DHDDS: variants seen among roughly 807,000 people sequenced by gnomAD.
DHDDS encodes dehydrodolichyl diphosphate synthase complex subunit DHDDS.
Under a neutral mutation model 46.2 loss-of-function variants are expected in DHDDS, and 16 were observed. The observed-to-expected ratio is 0.35, with a 90% confidence interval of 0.23 to 0.53. The LOEUF is 0.53. Among genes scored for constraint, DHDDS ranks in the 20% least tolerant of loss-of-function variants. The pLI is 0.94. For missense variants in DHDDS, 340 were observed against 423.7 expected, an observed-to-expected ratio of 0.80 and a Z score of 1.73; for synonymous variants, 151 against 163.1, an observed-to-expected ratio of 0.93 and a Z score of 0.56.
At chr1:26,448,278 A>G (rs1175228025) in intron 6 of DHDDS, 2 of 152,438 alleles carry the variant, frequency 1.3e-5, no homozygotes, top group African/African-American at 2.5e-5. Flanking sequence ...GGTTCAAGCA[A>G]TTCTTCCGCC....
At chr1:26,462,340 GATA>G (rs1239300212) in intron 8 of DHDDS, among the ~76,000 whole-genome samples, 5 of 152,076 alleles carry the variant, frequency 3.3e-5, no homozygotes, top group African/African-American at 4.8e-5. Flanking sequence ...TAATGATTAT[GATA>G]ATAGTAATTA....
rs1310199926 is a variant in DHDDS at position 26,457,826 on chromosome 1, A to G, written c.578A>G (p.Tyr193Cys). ...ISESLLDKCLYTNRSPHPDIL... is the reference protein window; with the variant it reads ...ISESLLDKCLCTNRSPHPDIL... Reference sequence around the variant, plus strand: ...GAGTCTCTGCTTGATAAGTGCCTCTATACCAACCGCTCTCCTCATCCTGAC... The same window carrying G: ...GAGTCTCTGCTTGATAAGTGCCTCTGTACCAACCGCTCTCCTCATCCTGAC... Residue 193 changes from tyrosine to cysteine, a missense_variant, in exon 7 of 9, where the codon TAT becomes TGT. Coordinates refer to ENST00000236342, the MANE Select transcript of DHDDS (RefSeq NM_205861.3). 2.5e-6 allele frequency: 4 copies of G among 1,613,952 alleles called. No homozygotes were observed. Among genetic ancestry groups the G allele is most frequent in the Non-Finnish European group, 3.4e-6 (4 of 1,179,974 alleles).
intron 2 of DHDDS, among the ~76,000 whole-genome samples, chr1:26,436,998 G>A (rs992521868): frequency 2.6e-5 from 4 of 151,698 alleles, no homozygotes; most frequent in East Asian, 2.0e-4. Flanking sequence ...GTGAAACCCC[G>A]TCTCTACTAA....
chr1:26,437,743 T>G (rs1157335151), intron 2 of DHDDS, among the ~76,000 whole-genome samples: 1 of 150,158 alleles, frequency 6.7e-6, no homozygotes, highest in East Asian at 2.0e-4. Flanking sequence ...CCCAAAGTGC[T>G]GGGATTACAG....
intron 8 of DHDDS, among the ~76,000 whole-genome samples, chr1:26,467,704 G>A (rs960503532): frequency 7.9e-5 from 12 of 152,308 alleles, no homozygotes; most frequent in African/African-American, 2.4e-4. Context: ...ATGTATACAA[G>A]TTTATCGTAA....
Position 26,446,301 on chromosome 1 carries a change from CTT to C in DHDDS, c.324-12_324-11del. ...CAGGGGCCCTATCCCAATGCTGCCT[CTT>C]TTCCCTGATCAGGGAGAAACTGCAG... On this transcript the variant is annotated splice_polypyrimidine_tract_variant and intron_variant, in intron 4 of 8. Transcript: ENST00000236342. 2 of 1,612,596 alleles carry C rather than the reference CTT, an allele frequency of 1.2e-6. No individual in the cohort carries two copies. Among genetic ancestry groups the C allele is most frequent in the Non-Finnish European group, 1.7e-6 (2 of 1,178,818 alleles).
rs1261478204 is a variant in DHDDS at position 26,438,191 on chromosome 1, T to A, written c.87T>A (p.Ile29=). The A allele has an allele frequency of 1.2e-6, 2 of 1,613,852 alleles. No homozygotes were observed. The highest frequency in any genetic ancestry group is 8.5e-7 in the Non-Finnish European group (1 of 1,179,898). ...AGGCAGGCCCAATGCCGAAACACAT[T>A]GCATTCATAATGGACGGGAACCGTC... ...IIKAGPMPKH[I]AFIMDGNRRY... The change falls in exon 3 of 9, where the codon ATT becomes ATA. Residue 29 remains isoleucine (I), a synonymous_variant. Transcript: ENST00000236342.
rs1570371815 is a variant in DHDDS, at chr1:26,469,373, A to G, written c.*242A>G. ...TACACTAAACCTAGGTCTGGTCACC[A>G]ATAGGGTTTGGAGAGCAAAGGGCCA... On this transcript the variant is annotated 3_prime_UTR_variant, in exon 9 of 9. Coordinates refer to ENST00000236342, the MANE Select transcript of DHDDS (RefSeq NM_205861.3). The G allele has an allele frequency of 1.5e-6, 1 of 666,042 alleles. No individual in the cohort carries two copies. The highest frequency in any genetic ancestry group is 2.5e-6 in the Non-Finnish European group (1 of 396,386). The allele number at this position is 666,042 out of a possible 1,614,324, so 41.3% of individuals were successfully genotyped here.
chr1:26,452,689 T>C (rs1312994412), intron 6 of DHDDS, among the ~76,000 whole-genome samples: 1 of 152,200 alleles, frequency 6.6e-6, no homozygotes, highest in African/African-American at 2.4e-5. Context: ...CAAGTTCACA[T>C]AGTTGGCAAA....
intron 2 of DHDDS, among the ~76,000 whole-genome samples, chr1:26,435,707 C>T (rs1242000519): frequency 3.3e-5 from 5 of 152,004 alleles, no homozygotes; most frequent in African/African-American, 7.2e-5. Context: ...CTCTGCCTCC[C>T]GGGTTCAAGC....
chr1:26,469,409 G>A lies in DHDDS; in HGVS notation c.*278G>A. 1 of 550,606 alleles carries A rather than the reference G, an allele frequency of 1.8e-6. No homozygotes were observed. The highest frequency in any genetic ancestry group is 3.3e-6 in the Non-Finnish European group (1 of 305,914). The allele number at this position is 550,606 out of a possible 1,614,324, so 34.1% of individuals were successfully genotyped here. A position where few individuals can be genotyped will look rare whatever the true frequency, so the allele number is the denominator to read the frequency against. The stretch of plus-strand genomic sequence containing the variant: ...GAGAGCAAAGGGCCACAACTCATCA[G>A]CTGCCTGTCTCTTAGATGCACTTTC... On this transcript the variant is annotated 3_prime_UTR_variant, in exon 9 of 9. Coordinates refer to ENST00000236342, the MANE Select transcript of DHDDS (RefSeq NM_205861.3).
rs1448261900 is a variant in DHDDS, at chr1:26,469,565, G to C, written c.*434G>C. On this transcript the variant is annotated 3_prime_UTR_variant, in exon 9 of 9. Transcript: ENST00000236342. ...AAAGATTTGGCTCTACCTTGGATCTGCTAGTAAATAACTAATAGGCAGGCA... is the reference window on the plus strand; with the variant it reads ...AAAGATTTGGCTCTACCTTGGATCTCCTAGTAAATAACTAATAGGCAGGCA... The C allele has an allele frequency of 4.0e-6, 1 of 247,038 alleles. No homozygotes were observed. Among genetic ancestry groups the C allele is most frequent in the East Asian group, 9.5e-5 (1 of 10,562 alleles). The allele number at this position is 247,038 out of a possible 1,614,324, so 15.3% of individuals were successfully genotyped here. A position where few individuals can be genotyped will look rare whatever the true frequency, so the allele number is the denominator to read the frequency against.
At chr1:26,435,781 A>G (rs933809300) in intron 2 of DHDDS, among the ~76,000 whole-genome samples, 2 of 151,720 alleles carry the variant, frequency 1.3e-5, no homozygotes, top group Non-Finnish European at 2.9e-5. Flanking sequence ...CACCTGGCTA[A>G]TTTTTGTATT....
chr1:26,438,157 C>T lies in DHDDS; in HGVS notation c.64-11C>T, dbSNP rs1159954821. 7 of 1,613,044 alleles carry T rather than the reference C, an allele frequency of 4.3e-6. No individual in the cohort carries two copies. The South Asian group carries it at 6.6e-5, about 15-fold the overall frequency. ...TGAGACCTGTTCATCATTTGTCTTC[C>T]TATTCCACAGGCAGGCCCAATGCCG... is the stretch of plus-strand genomic sequence containing the variant. On this transcript the variant is annotated splice_polypyrimidine_tract_variant and intron_variant, in intron 2 of 8. Transcript: ENST00000236342.
chr1:26,465,485 T>C (rs747035630), intron 8 of DHDDS, among the ~76,000 whole-genome samples: 41 of 152,202 alleles, frequency 2.7e-4, no homozygotes, highest in Non-Finnish European at 5.6e-4. Context: ...TTCATGACTT[T>C]GAATATTGGC....
intron 6 of DHDDS, among the ~76,000 whole-genome samples, chr1:26,457,494 A>AAATT (rs2075381510): frequency 6.6e-6 from 1 of 150,854 alleles, no homozygotes; most frequent in Non-Finnish European, 1.5e-5. Context: ...ATAAATAAAT[A>AAATT]CCTTATGTAT....
intron 5 of DHDDS, 99 bp downstream of exon 5, chr1:26,446,531 A>G (rs2075270705): frequency 1.8e-6 from 2 of 1,126,162 alleles, no homozygotes; most frequent in African/African-American, 3.1e-5. Context: ...GGATTGGTGC[A>G]AGGGGCAATG....
In DHDDS at chr1:26,438,242, G is replaced by A. The variant is rs768883929; in HGVS notation, c.138G>A (p.Glu46=). Residue 46 remains glutamate, a synonymous_variant, in exon 3 of 9, where the codon GAG becomes GAA. Transcript: ENST00000236342. ...NRRYAKKCQV[E]RQEGHSQGFN... ...GCTATGCCAAGAAGTGCCAGGTGGA[G>A]CGGCAGGAAGGCCACTCACAGGGCT... 5.0e-6 allele frequency: 8 copies of A among 1,614,138 alleles called. No individual in the cohort carries two copies. Among genetic ancestry groups the A allele is most frequent in the Non-Finnish European group, 6.8e-6 (8 of 1,179,958 alleles).
At chr1:26,447,841 CA>C in intron 6 of DHDDS, 181 bp downstream of exon 6, 1 of 669,238 alleles carries the variant, frequency 1.5e-6, no homozygotes, top group Non-Finnish European at 2.7e-6. Flanking sequence ...ACAACAACAA[CA>C]AAAAAGCAGG....
Sources: allele counts gnomAD v4.1 joint callset (sites outside exome capture counted in the v4.1 genomes callset), GRCh38; gene constraint gnomAD v4.1.1; transcripts MANE v1.5; gene names NCBI Gene and HGNC (gene_info 2026-07-23, HGNC 2026-07-21).